Variants in S100Z observed in about 807,000 individuals in gnomAD.
S100Z encodes the protein protein S100-Z.
S100Z carries 11 observed loss-of-function variants against 8.5 expected under a neutral mutation model. The ratio of observed to expected loss-of-function variants is 1.30; its 90% CI spans 0.82 to 2.15. S100Z has a LOEUF of 2.15. S100Z is among the 30% of genes most tolerant of loss of function. The probability of loss-of-function intolerance (pLI) is 0.00; values close to 1 mark genes in which losing one functional copy is unlikely to be tolerated. For synonymous variants in S100Z, 34 were observed against 43.8 expected, an observed-to-expected ratio of 0.78 and a Z score of 0.89; for missense variants, 126 against 117.9, an observed-to-expected ratio of 1.07 and a Z score of -0.32.
chr5:76,943,699 C>T, the S100Z span, among the ~76,000 whole-genome samples: 3 of 152,174 alleles, frequency 2.0e-5, no homozygotes, highest in East Asian at 5.8e-4. Flanking sequence ...CCTCAAATTA[C>T]CCAATTTGAG....
chr5:76,879,299 G>A (rs1018315862), intron 4 of S100Z, among the ~76,000 whole-genome samples: 1 of 152,166 alleles, frequency 6.6e-6, no homozygotes, highest in Non-Finnish European at 1.5e-5. Context: ...TGTCATGGAG[G>A]AGCCTCTGCA....
chr5:76,864,063 A>G (rs1751174544), intron 1 of S100Z, among the ~76,000 whole-genome samples: 2 of 152,244 alleles, frequency 1.3e-5, no homozygotes, highest in Admixed American at 6.5e-5. Context: ...CAGCAGCATT[A>G]AAGAATTTCT....
At chr5:76,853,213 C>T in intron 1 of S100Z, among the ~76,000 whole-genome samples, 1 of 152,170 alleles carries the variant, frequency 6.6e-6, no homozygotes, top group East Asian at 1.9e-4. Context: ...TGCCTGGACT[C>T]CCTCCAAATA....
At chr5:76,922,617 G>T (rs1263644142), downstream of S100Z, among the ~76,000 whole-genome samples, 1 of 152,130 alleles carries the variant, frequency 6.6e-6, no homozygotes, top group Non-Finnish European at 1.5e-5. Context: ...TCCGCCTCCT[G>T]GGTTCATGCC....
chr5:76,862,272 A>C (rs1353487397), intron 1 of S100Z, among the ~76,000 whole-genome samples: 1 of 152,154 alleles, frequency 6.6e-6, no homozygotes, highest in Non-Finnish European at 1.5e-5. Flanking sequence ...GTTGGGGCAT[A>C]AGCAAGGAAT....
At chr5:76,885,740 GC>G (rs1313026628) in intron 4 of S100Z, among the ~76,000 whole-genome samples, 1 of 151,082 alleles carries the variant, frequency 6.6e-6, no homozygotes. Flanking sequence ...GGAGGTGCTT[GC>G]CCCCCAGGAA....
chr5:76,939,517 C>CTCTT, the S100Z span, among the ~76,000 whole-genome samples: 70,496 of 139,852 alleles, frequency 0.5, 19,097 homozygotes, highest in South Asian at 0.7. Flanking sequence ...TGGTGTTTAA[C>CTCTT]TTTTTTTTTT....
At chr5:76,919,560 C>T (rs529251608) in intron 4 of S100Z, among the ~76,000 whole-genome samples, 1 of 95,222 alleles carries the variant, frequency 1.1e-5, no homozygotes, top group South Asian at 3.5e-4. Flanking sequence ...CCCTTCCTTC[C>T]TTCCTTTCTC....
chr5:76,944,061 C>T, the S100Z span, among the ~76,000 whole-genome samples: 2 of 152,050 alleles, frequency 1.3e-5, no homozygotes, highest in African/African-American at 2.4e-5. Flanking sequence ...CCCTACTTGC[C>T]TCACCCTATC....
chr5:76,917,958 A>C (rs956327143), intron 4 of S100Z, among the ~76,000 whole-genome samples: 1 of 152,196 alleles, frequency 6.6e-6, no homozygotes, highest in Non-Finnish European at 1.5e-5. Flanking sequence ...TGCTCTTACA[A>C]ATAGTTCTAC....
intron 4 of S100Z, among the ~76,000 whole-genome samples, chr5:76,892,410 G>A (rs560345761): frequency 6.6e-6 from 1 of 152,194 alleles, no homozygotes; most frequent in South Asian, 2.1e-4. Flanking sequence ...TTCTCAAAAG[G>A]TCCTTTTCAA....
At position 76,882,351 on chromosome 5, in the gene S100Z, G is replaced by A. The variant is rs559474530; in HGVS notation, c.*2+4517G>A. The stretch of plus-strand genomic sequence containing the variant: ...GTCCCAGCTCTTGTGTAAAAATTCC[G>A]ACTGCACAGCCCTGCACTTTGGCTG... On this transcript the variant is annotated intron_variant, in intron 4 of 4. Transcript: ENST00000317593. Among the ~76,000 whole-genome samples, 71 of 152,272 alleles carry A rather than the reference G, an allele frequency of 4.7e-4. No individual in the cohort carries two copies. The South Asian group carries it at 0.013, about 28-fold the overall frequency.
the S100Z span, chr5:76,952,702 G>A: frequency 3.4e-5 from 6 of 178,260 alleles, no homozygotes; most frequent in East Asian, 6.9e-4. Flanking sequence ...ATGCGTGTAT[G>A]TAACTTTGTC....
the S100Z span, among the ~76,000 whole-genome samples, chr5:76,927,901 A>G: frequency 5.3e-5 from 8 of 152,286 alleles, no homozygotes; most frequent in East Asian, 1.5e-3. Context: ...CAGCAAATAC[A>G]TGGAAAAGCC....
the S100Z span, among the ~76,000 whole-genome samples, chr5:76,930,314 C>T: frequency 2.6e-5 from 4 of 152,152 alleles, no homozygotes; most frequent in Non-Finnish European, 5.9e-5. Context: ...TATGCTCAGG[C>T]GTGGGCAGGT....
chr5:76,933,082 G>T, the S100Z span, among the ~76,000 whole-genome samples: 1 of 152,172 alleles, frequency 6.6e-6, no homozygotes, highest in Non-Finnish European at 1.5e-5. Context: ...GGATGTTTAA[G>T]GATAAAGTTT....
At chr5:76,856,056 C>T (rs1750872643) in intron 1 of S100Z, among the ~76,000 whole-genome samples, 1 of 152,130 alleles carries the variant, frequency 6.6e-6, no homozygotes, top group African/African-American at 2.4e-5. Context: ...CTCCTCCTTC[C>T]TCCTCCTCCG....
At chr5:76,868,448 T>G (rs1742867933) in intron 1 of S100Z, among the ~76,000 whole-genome samples, 2 of 152,304 alleles carry the variant, frequency 1.3e-5, no homozygotes, top group African/African-American at 4.8e-5. Context: ...ATCTATTCTA[T>G]TAGGAGTTTT....
chr5:76,899,434 C>T (rs1158158760), intron 4 of S100Z, among the ~76,000 whole-genome samples: 4 of 144,894 alleles, frequency 2.8e-5, no homozygotes, highest in Non-Finnish European at 4.5e-5. Context: ...TTCTTTCTTT[C>T]CTTCCTTTTG....
Sources: allele counts gnomAD v4.1 joint callset (sites outside exome capture counted in the v4.1 genomes callset), GRCh38; gene constraint gnomAD v4.1.1; transcripts MANE v1.5; gene names NCBI Gene and HGNC (gene_info 2026-07-23, HGNC 2026-07-21).